Variants in TAOK1 observed in about 807,000 individuals in gnomAD.
The protein encoded by TAOK1 is serine/threonine-protein kinase TAO1.
A neutral mutation model predicts 138.3 loss-of-function variants in TAOK1; 21 were observed. The ratio of observed to expected loss-of-function variants is 0.15; its 90% confidence interval spans 0.11 to 0.22. The LOEUF (loss-of-function observed/expected upper bound fraction) is 0.22, where lower values mean the gene tolerates loss of function less well. Among genes scored for constraint, TAOK1 ranks in the 10% least tolerant of loss-of-function variants. The pLI, the probability that TAOK1 is intolerant of heterozygous loss-of-function variation, is 1.00. For synonymous variants in TAOK1, 361 were observed against 398.4 expected (o/e 0.91, Z 1.12); for missense variants, 651 against 1,227.7 (o/e 0.53, Z 7.02).
At position 29,525,304 on chromosome 17, in the gene TAOK1, G is replaced by A. The variant is rs1598522018; in HGVS notation, c.2148+2785G>A. 2.6e-5 allele frequency among the ~76,000 whole-genome samples: 4 copies of A among 151,990 alleles called. No individual in the cohort carries two copies. In the South Asian group the frequency reaches 8.3e-4, roughly 31 times the overall value. Reference sequence around the variant, plus strand: ...ATTTTTGTATTTTTAGTAGAGATGGGGTTTCACCATGTTGGTCAGGCTGGT... The same window carrying A: ...ATTTTTGTATTTTTAGTAGAGATGGAGTTTCACCATGTTGGTCAGGCTGGT... On this transcript the variant is annotated intron_variant, in intron 17 of 19. Coordinates refer to ENST00000261716, the MANE Select transcript of TAOK1 (RefSeq NM_020791.4).
At chr17:29,464,551 T>C (rs2030610142) in intron 2 of TAOK1, among the ~76,000 whole-genome samples, 2 of 152,084 alleles carry the variant, frequency 1.3e-5, no homozygotes, top group African/African-American at 2.4e-5. Flanking sequence ...TTAAAATGGG[T>C]AAATTATATG....
intron 2 of TAOK1, among the ~76,000 whole-genome samples, chr17:29,457,960 A>T (rs1352315984): frequency 6.6e-6 from 1 of 151,998 alleles, no homozygotes; most frequent in Non-Finnish European, 1.5e-5. Flanking sequence ...AATACAAAAA[A>T]TTAGCCGGGT....
chr17:29,539,386 A>G (rs2032278002), intron 19 of TAOK1, among the ~76,000 whole-genome samples: 1 of 152,186 alleles, frequency 6.6e-6, no homozygotes, highest in Admixed American at 6.5e-5. Context: ...TCTACCAAAA[A>G]TACAAAAAAT....
intron 1 of TAOK1, among the ~76,000 whole-genome samples, chr17:29,406,386 T>A (rs558627241): frequency 6.6e-6 from 1 of 151,750 alleles, no homozygotes; most frequent in Non-Finnish European, 1.5e-5. Flanking sequence ...GTACAAAGGG[T>A]ATTATATACC....
At chr17:29,482,404 G>A (rs568430014) in intron 8 of TAOK1, 116 bp downstream of exon 8, 28 of 797,424 alleles carry the variant, frequency 3.5e-5, no homozygotes, top group Non-Finnish European at 4.8e-5. Flanking sequence ...TATAAGGGGG[G>A]CAATACATTT....
chr17:29,538,212 T>G (rs1157154070), intron 19 of TAOK1, among the ~76,000 whole-genome samples: 1 of 149,726 alleles, frequency 6.7e-6, no homozygotes, highest in Non-Finnish European at 1.5e-5. Flanking sequence ...TATGGAAAAA[T>G]GTTTATGGTG....
At chr17:29,534,934 T>C (rs1169020702) in intron 19 of TAOK1, among the ~76,000 whole-genome samples, 2 of 95,894 alleles carry the variant, frequency 2.1e-5, no homozygotes, top group African/African-American at 6.9e-5. Context: ...CTAAGGTGTG[T>C]GTGTGTGTGT....
intron 7 of TAOK1, among the ~76,000 whole-genome samples, chr17:29,481,435 C>T (rs972329064): frequency 5.3e-5 from 8 of 151,932 alleles, no homozygotes; most frequent in Non-Finnish European, 7.4e-5. Context: ...CGTGATCTGT[C>T]CACCTCAGCC....
intron 12 of TAOK1, among the ~76,000 whole-genome samples, chr17:29,501,643 T>C (rs1726420188): frequency 6.6e-6 from 1 of 152,190 alleles, no homozygotes; most frequent in South Asian, 2.1e-4. Context: ...TTTCTGCTAC[T>C]CCTATTTAAA....
intron 2 of TAOK1, among the ~76,000 whole-genome samples, chr17:29,457,089 C>CTTTTTTT (rs548221652): frequency 0.01 from 1,124 of 107,470 alleles, 5 homozygotes; most frequent in Non-Finnish European, 0.015. Flanking sequence ...TTTTCTTTTT[C>CTTTTTTT]TTTTTTTTTT....
At chr17:29,474,140 C>A (rs148631223) in intron 3 of TAOK1, among the ~76,000 whole-genome samples, 5 of 152,240 alleles carry the variant, frequency 3.3e-5, no homozygotes, top group African/African-American at 9.6e-5. Flanking sequence ...CCTCTCTCAG[C>A]CTTTGTAGAG....
At chr17:29,446,222 T>A (rs2030073887) in intron 1 of TAOK1, among the ~76,000 whole-genome samples, 1 of 152,208 alleles carries the variant, frequency 6.6e-6, no homozygotes, top group Non-Finnish European at 1.5e-5. Context: ...AAATAACCAA[T>A]TTTTGACTTG....
chr17:29,413,589 C>G (rs1248540404), intron 1 of TAOK1, among the ~76,000 whole-genome samples: 1 of 151,982 alleles, frequency 6.6e-6, no homozygotes, highest in African/African-American at 2.4e-5. Flanking sequence ...GAGTGAGACC[C>G]TGTCTCAAAA....
At chr17:29,416,517 G>A (rs1905268744) in intron 1 of TAOK1, among the ~76,000 whole-genome samples, 1 of 151,820 alleles carries the variant, frequency 6.6e-6, no homozygotes, top group Non-Finnish European at 1.5e-5. Flanking sequence ...CATTGGAAAT[G>A]TATACAACAA....
At chr17:29,436,185 A>G (rs1906025325) in intron 1 of TAOK1, among the ~76,000 whole-genome samples, 1 of 152,236 alleles carries the variant, frequency 6.6e-6, no homozygotes, top group Non-Finnish European at 1.5e-5. Context: ...AAATTAAAGA[A>G]TACTCACAGA....
intron 16 of TAOK1, 30 bp downstream of exon 16, chr17:29,517,686 C>A (rs764404784): frequency 1.3e-6 from 2 of 1,565,312 alleles, no homozygotes; most frequent in Admixed American, 1.9e-5. Flanking sequence ...AATTTTAAAT[C>A]CTTTATCAAA....
intron 16 of TAOK1, among the ~76,000 whole-genome samples, chr17:29,520,601 G>T (rs191025695): frequency 1.4e-4 from 22 of 151,936 alleles, no homozygotes; most frequent in Admixed American, 7.2e-4. Flanking sequence ...TTTTAATAGA[G>T]ACTGGGTTTC....
At chr17:29,493,230 C>T (rs1170512882) in intron 10 of TAOK1, among the ~76,000 whole-genome samples, 2 of 151,828 alleles carry the variant, frequency 1.3e-5, no homozygotes, top group African/African-American at 2.4e-5. Context: ...CGCGGTGGCT[C>T]ACTCCTGTAA....
rs1043151408 is a variant in TAOK1 at position 29,423,108 on chromosome 17, T to C, written c.-94-28347T>C. Among the ~76,000 whole-genome samples, 19 of 151,592 alleles carry C rather than the reference T, an allele frequency of 1.3e-4. 1 individual carries two copies. The highest frequency in any genetic ancestry group is 1.5e-5 in the Non-Finnish European group (1 of 67,896). ...TTTTTTCCCCCATTTTTTTTTTTTT[T>C]ACTTTGGCTCATTATTTCCTTTTGC... is the stretch of plus-strand genomic sequence containing the variant. On this transcript the variant is annotated intron_variant, in intron 1 of 19. Coordinates refer to ENST00000261716, the MANE Select transcript of TAOK1 (RefSeq NM_020791.4).
Sources: gnomAD v4.1 joint callset for allele counts (sites outside exome capture counted in the v4.1 genomes callset) on GRCh38, gnomAD v4.1.1 for gene constraint, MANE v1.5 for transcripts, NCBI Gene and HGNC (gene_info 2026-07-23, HGNC 2026-07-21) for gene names.